Variants in KCNIP4 observed in about 807,000 individuals in gnomAD.
KCNIP4 encodes the protein Kv channel-interacting protein 4.
In KCNIP4, 12 loss-of-function variants were observed where a neutral mutation model predicts 34.0. The observed-to-expected ratio is 0.35, with a 90% CI of 0.23 to 0.57. The LOEUF is 0.57. KCNIP4 is among the 20% of genes least tolerant of loss of function. KCNIP4 has a pLI of 0.83. For synonymous variants in KCNIP4, 124 were observed against 102.2 expected (o/e 1.21, Z -1.29); for missense variants, 238 against 311.7 (o/e 0.76, Z 1.78).
chr4:21,285,127 C>G (rs1271072909), intron 1 of KCNIP4, among the ~76,000 whole-genome samples: 1 of 152,000 alleles, frequency 6.6e-6, no homozygotes, highest in African/African-American at 2.4e-5. Context: ...TTAATGCAAA[C>G]TAGGATAAGA....
At chr4:20,829,051 G>A (rs1025038527) in intron 3 of KCNIP4, among the ~76,000 whole-genome samples, 6 of 152,138 alleles carry the variant, frequency 3.9e-5, no homozygotes, top group African/African-American at 1.4e-4. Context: ...TATAAAATTA[G>A]AGAAGATACG....
At chr4:21,183,602 GTCC>G (rs1386963370) in intron 1 of KCNIP4, among the ~76,000 whole-genome samples, 3 of 151,530 alleles carry the variant, frequency 2.0e-5, no homozygotes, top group Non-Finnish European at 4.4e-5. Context: ...GTGTACTAGG[GTCC>G]TCCTTTTTTC....
chr4:20,947,958 G>A lies in KCNIP4; in HGVS notation c.62-65249C>T, dbSNP rs576991489. ...TGGTATGGTCCCTTTCAATCTCTCT[G>A]AGCCTCAGTTTACACATGTGGAAAA... is the stretch of plus-strand genomic sequence containing the variant. On this transcript the variant is annotated intron_variant, in intron 1 of 8. Coordinates refer to ENST00000382152, the MANE Select transcript of KCNIP4 (RefSeq NM_025221.6). Among the ~76,000 whole-genome samples the A allele has an allele frequency of 2.6e-5, 4 of 152,278 alleles. No individual in the cohort carries two copies. In the South Asian group the frequency reaches 6.2e-4, roughly 24 times the overall value.
chr4:21,169,304 C>T (rs886198490), intron 1 of KCNIP4, among the ~76,000 whole-genome samples: 4 of 151,804 alleles, frequency 2.6e-5, no homozygotes, highest in Admixed American at 6.6e-5. Context: ...AGGTTGGCAC[C>T]ACCATGCCCA....
chr4:20,778,347 T>G (rs1009804157), intron 3 of KCNIP4, among the ~76,000 whole-genome samples: 1 of 152,226 alleles, frequency 6.6e-6, no homozygotes, highest in African/African-American at 2.4e-5. Flanking sequence ...TTGTAGAACC[T>G]TAAATTCTTA....
At chr4:21,020,713 A>G (rs998760629) in intron 1 of KCNIP4, among the ~76,000 whole-genome samples, 3 of 152,206 alleles carry the variant, frequency 2.0e-5, no homozygotes, top group African/African-American at 7.2e-5. Context: ...GATCAAGATT[A>G]TAAGGTAAAT....
At chr4:21,800,995 A>T (rs2109252534) in intron 1 of KCNIP4, among the ~76,000 whole-genome samples, 1 of 152,306 alleles carries the variant, frequency 6.6e-6, no homozygotes, top group Non-Finnish European at 1.5e-5. Context: ...TCATTCTCCG[A>T]GTCAGAAACT....
At chr4:20,736,606 T>C (rs1749692002) in intron 5 of KCNIP4, among the ~76,000 whole-genome samples, 1 of 152,166 alleles carries the variant, frequency 6.6e-6, no homozygotes, top group Admixed American at 6.6e-5. Flanking sequence ...TGGCCTAATA[T>C]ATATAGAACA....
chr4:21,624,239 C>T (rs995582083), intron 1 of KCNIP4, among the ~76,000 whole-genome samples: 6 of 152,142 alleles, frequency 3.9e-5, no homozygotes, highest in Admixed American at 1.3e-4. Flanking sequence ...AGAGTAATAA[C>T]TAGCTCATAG....
chr4:21,141,416 T>C (rs559490499), intron 1 of KCNIP4, among the ~76,000 whole-genome samples: 5 of 152,364 alleles, frequency 3.3e-5, no homozygotes, highest in South Asian at 2.1e-4. Flanking sequence ...AAAAAACTTA[T>C]AGACATTCAA....
intron 1 of KCNIP4, among the ~76,000 whole-genome samples, chr4:21,568,083 C>A (rs1350221162): frequency 6.6e-6 from 1 of 152,046 alleles, no homozygotes; most frequent in African/African-American, 2.4e-5. Context: ...GCCCTGTTTT[C>A]AAAACTAGGT....
At chr4:21,379,867 C>T (rs1298989708) in intron 1 of KCNIP4, among the ~76,000 whole-genome samples, 2 of 151,558 alleles carry the variant, frequency 1.3e-5, no homozygotes, top group African/African-American at 4.9e-5. Flanking sequence ...TGTCTGCTCC[C>T]CACCTGCCCA....
intron 1 of KCNIP4, among the ~76,000 whole-genome samples, chr4:21,580,331 C>T (rs1007456800): frequency 1.3e-5 from 2 of 152,018 alleles, no homozygotes; most frequent in African/African-American, 4.8e-5. Context: ...CATTTAAACA[C>T]AAGGTTACAA....
chr4:21,762,809 T>G, intron 1 of KCNIP4: 2 of 653,448 alleles, frequency 3.1e-6, no homozygotes, highest in Non-Finnish European at 4.4e-6. Context: ...CTTCTTTATC[T>G]GAATAAATGT....
chr4:21,269,034 G>T (rs550097750), intron 1 of KCNIP4, among the ~76,000 whole-genome samples: 1 of 152,156 alleles, frequency 6.6e-6, no homozygotes. Context: ...GTATGTCAAG[G>T]GGTTAAGCCA....
chr4:21,720,822 T>A (rs750371981), intron 1 of KCNIP4, among the ~76,000 whole-genome samples: 5 of 152,102 alleles, frequency 3.3e-5, no homozygotes, highest in East Asian at 1.9e-4. Flanking sequence ...TCCAGCTTCA[T>A]CCATGTCCCT....
At chr4:21,386,198 G>A (rs552675554) in intron 1 of KCNIP4, among the ~76,000 whole-genome samples, 7 of 152,240 alleles carry the variant, frequency 4.6e-5, no homozygotes, top group African/African-American at 1.7e-4. Context: ...TCTTAAGGCG[G>A]AATTACCTTT....
chr4:21,564,758 C>T (rs1314425376), intron 1 of KCNIP4, among the ~76,000 whole-genome samples: 1 of 152,050 alleles, frequency 6.6e-6, no homozygotes, highest in Non-Finnish European at 1.5e-5. Flanking sequence ...CAGGATGCTT[C>T]CACTCATGGT....
intron 1 of KCNIP4, among the ~76,000 whole-genome samples, chr4:21,273,808 C>T (rs56849599): frequency 0.02 from 3,117 of 152,176 alleles, 92 homozygotes; most frequent in African/African-American, 0.068. Context: ...ACAGCTGTAC[C>T]TCATATACAC....
Sources: gnomAD v4.1 joint callset for allele counts (sites outside exome capture counted in the v4.1 genomes callset) on GRCh38, gnomAD v4.1.1 for gene constraint, MANE v1.5 for transcripts, NCBI Gene and HGNC (gene_info 2026-07-23, HGNC 2026-07-21) for gene names.